The following LARP4 variants were observed in gnomAD, a reference collection of about 807,000 sequenced individuals.
LARP4 encodes the protein la-related protein 4.
A neutral mutation model predicts 92.9 loss-of-function variants in LARP4; 29 were observed. That is an observed-to-expected ratio of 0.31 (90% CI 0.23 to 0.43). The LOEUF is 0.43. LARP4 is among the 20% of genes least tolerant of loss of function. The pLI is 1.00. For synonymous variants in LARP4, 279 were observed against 284.1 expected, an observed-to-expected ratio of 0.98 and a Z score of 0.18; for missense variants, 732 against 860.0, an observed-to-expected ratio of 0.85 and a Z score of 1.86.
chr12:50,402,925 T>G (rs538220422), intron 1 of LARP4: 1 of 396,360 alleles, frequency 2.5e-6, no homozygotes, highest in African/African-American at 2.1e-5. Context: ...CATATGAGTT[T>G]TATTGAAAAT....
intron 8 of LARP4, 42 bp downstream of exon 8, chr12:50,441,685 T>G: frequency 7.1e-7 from 1 of 1,400,730 alleles, no homozygotes; most frequent in Non-Finnish European, 9.9e-7. Flanking sequence ...CAGGTTTTGG[T>G]TCTCTGTATG....
Position 50,475,549 on chromosome 12 carries a change from T to C in LARP4, c.1860T>C (p.Ala620=), listed in dbSNP as rs747976090. Residue 620 remains alanine, a synonymous_variant, in exon 16 of 16, where the codon GCT becomes GCC. Transcript: ENST00000398473. ...ALQEPRKLSY[A]EVCQKPPKEP... ...AGGAACCCCGAAAGTTAAGTTATGC[T>C]GAAGTGTGCCAGAAGCCCCCTAAAG... The C allele has an allele frequency of 6.2e-7, 1 of 1,613,362 alleles. No homozygotes were observed. Among genetic ancestry groups the C allele is most frequent in the Non-Finnish European group, 8.5e-7 (1 of 1,179,686 alleles).
chr12:50,404,562 C>A (rs1257493108), intron 1 of LARP4, among the ~76,000 whole-genome samples: 2 of 151,878 alleles, frequency 1.3e-5, no homozygotes, highest in East Asian at 1.9e-4. Context: ...ATATTGACTT[C>A]AGTAGATTAT....
At chr12:50,444,373 ATATTT>A in intron 8 of LARP4, among the ~76,000 whole-genome samples, 1 of 151,928 alleles carries the variant, frequency 6.6e-6, no homozygotes, top group Non-Finnish European at 1.5e-5. Context: ...AAAAACACAA[ATATTT>A]TATTATAAGT....
intron 1 of LARP4, among the ~76,000 whole-genome samples, chr12:50,408,970 C>G (rs139418546): frequency 0.013 from 1,975 of 151,732 alleles, 45 homozygotes; most frequent in African/African-American, 0.044. Flanking sequence ...TAGTGACACC[C>G]CATGTCTTAA....
intron 8 of LARP4, among the ~76,000 whole-genome samples, chr12:50,443,632 A>G (rs189384869): frequency 7.1e-4 from 108 of 152,122 alleles, no homozygotes; most frequent in African/African-American, 2.5e-3. Flanking sequence ...TATTTTTGAA[A>G]TGGCGTTTCA....
intron 10 of LARP4, chr12:50,455,086 A>C (rs1953970071): frequency 6.6e-6 from 1 of 152,232 alleles, no homozygotes; most frequent in South Asian, 2.1e-4. Context: ...CCCGCACTTA[A>C]AGCACTATGT....
chr12:50,440,810 G>A (rs933186937), intron 7 of LARP4, among the ~76,000 whole-genome samples: 4 of 151,822 alleles, frequency 2.6e-5, no homozygotes, highest in South Asian at 4.2e-4. Flanking sequence ...CGAGAACCAT[G>A]TACCTAGTGG....
chr12:50,426,731 G>GTGTGTGT (rs1483728898), intron 1 of LARP4, among the ~76,000 whole-genome samples: 85 of 79,658 alleles, frequency 1.1e-3, no homozygotes, highest in South Asian at 1.8e-3. Context: ...GTGTGTGTGT[G>GTGTGTGT]GTTTTTTTTT....
intron 1 of LARP4, among the ~76,000 whole-genome samples, chr12:50,426,684 G>GGGGGGGGGT (rs774548049): frequency 2.3e-5 from 2 of 86,174 alleles, no homozygotes; most frequent in African/African-American, 1.0e-4. Flanking sequence ...TTATGTTTGG[G>GGGGGGGGGT]GTGTGTGTGT....
intron 1 of LARP4, among the ~76,000 whole-genome samples, chr12:50,425,016 G>A (rs183097229): frequency 8.6e-5 from 13 of 151,930 alleles, no homozygotes; most frequent in African/African-American, 2.9e-4. Flanking sequence ...ACGTGGTGCC[G>A]GGCACCTGTA....
At chr12:50,456,092 C>T (rs1954189453) in intron 10 of LARP4, among the ~76,000 whole-genome samples, 1 of 151,992 alleles carries the variant, frequency 6.6e-6, no homozygotes. Context: ...CTCCCCCCTC[C>T]AAAAAATAAA....
chr12:50,461,905 C>T (rs1001901775), intron 11 of LARP4, among the ~76,000 whole-genome samples: 1 of 152,070 alleles, frequency 6.6e-6, no homozygotes, highest in Non-Finnish European at 1.5e-5. Flanking sequence ...TTGCAGTGAG[C>T]CAAGGTTGCA....
At chr12:50,412,962 C>T (rs1946160451) in intron 1 of LARP4, among the ~76,000 whole-genome samples, 1 of 152,132 alleles carries the variant, frequency 6.6e-6, no homozygotes, top group Admixed American at 6.6e-5. Context: ...TGGTAGCTCA[C>T]ACCTGTAATC....
chr12:50,468,924 C>T (rs745836604), intron 13 of LARP4, among the ~76,000 whole-genome samples: 7 of 151,968 alleles, frequency 4.6e-5, no homozygotes, highest in Non-Finnish European at 7.4e-5. Context: ...TGTGCACTCT[C>T]GGTGTCCTAC....
At chr12:50,426,047 G>A (rs905904814) in intron 1 of LARP4, among the ~76,000 whole-genome samples, 1 of 151,758 alleles carries the variant, frequency 6.6e-6, no homozygotes, top group African/African-American at 2.4e-5. Context: ...CCTCCTCCCC[G>A]CCTCCACCCA....
intron 1 of LARP4, among the ~76,000 whole-genome samples, chr12:50,426,930 G>T (rs548399017): frequency 6.6e-6 from 1 of 151,772 alleles, no homozygotes; most frequent in Non-Finnish European, 1.5e-5. Context: ...TAGAGACAGC[G>T]TTTCTCTGTG....
At chr12:50,455,724 A>G (rs1441334292) in intron 10 of LARP4, among the ~76,000 whole-genome samples, 3 of 152,158 alleles carry the variant, frequency 2.0e-5, no homozygotes, top group Non-Finnish European at 2.9e-5. Flanking sequence ...GAGTTTTTGG[A>G]CTATTCTTGA....
rs1450531738 is a variant in LARP4, at chr12:50,474,230, T to C, written c.1836+63T>C. On this transcript the variant is annotated intron_variant, in intron 15 of 15. Coordinates refer to ENST00000398473, the MANE Select transcript of LARP4 (RefSeq NM_052879.5). ...AATAGATTAGATTTTTTTTTTTTTT[T>C]CACGTAACACTTTGTTAGAACAGAG... The C allele has an allele frequency of 4.0e-5, 47 of 1,167,410 alleles. No homozygotes were observed. The East Asian group carries it at 4.8e-4, about 12-fold the overall frequency. 72.3% of individuals were successfully genotyped at this position (1,167,410 alleles called of 1,614,324 possible). A position where few individuals can be genotyped will look rare whatever the true frequency, so the allele number is the denominator to read the frequency against.
Sources: gnomAD v4.1 joint callset for allele counts (sites outside exome capture counted in the v4.1 genomes callset) on GRCh38, gnomAD v4.1.1 for gene constraint, MANE v1.5 for transcripts, NCBI Gene and HGNC (gene_info 2026-07-23, HGNC 2026-07-21) for gene names.